CUZD1: variants seen among roughly 807,000 people sequenced by gnomAD.
CUZD1 encodes CUB and zona pellucida like domains 1.
Under a neutral mutation model 53.1 loss-of-function variants are expected in CUZD1, and 42 were observed. That is an observed-to-expected ratio of 0.79 (90% confidence interval 0.62 to 1.02). The LOEUF is 1.02. Among genes scored for constraint, CUZD1 ranks in the 50% least tolerant of loss-of-function variants. CUZD1 has a pLI of 0.00. For missense variants in CUZD1, 670 were observed against 715.7 expected (o/e 0.94, Z 0.73); for synonymous variants, 238 against 257.2 (o/e 0.93, Z 0.71).
chr10:122,841,410 T>A, intron 1 of CUZD1, 82 bp from the exon 2 acceptor site: 4 of 1,357,884 alleles, frequency 2.9e-6, no homozygotes, highest in Non-Finnish European at 4.0e-6. Context: ...ACCTCTCACA[T>A]GTAATATACA....
Position 122,832,420 on chromosome 10 carries a change from G to C in CUZD1, c.1682C>G (p.Thr561Ser). 6.2e-7 allele frequency: 1 copy of C among 1,613,916 alleles called. No homozygotes were observed. Among genetic ancestry groups the C allele is most frequent in the East Asian group, 2.2e-5 (1 of 44,878 alleles). The change falls in exon 9 of 9, where the codon ACT becomes AGT. Residue 561 changes from threonine (T) to serine (S), a missense_variant. By Grantham distance (58) the Thr-to-Ser change is moderately conservative (BLOSUM62 1). Transcript: ENST00000392790. ...CACACTGTTGAAAGGCTGGTTTGGA[G>C]TTTCTTCCGCATGTGTTTCATGCTG... ...GFQHETHAEE[T>S]PNQPFNSVHL...
chr10:122,843,078 G>T (rs991411362), intron 1 of CUZD1, among the ~76,000 whole-genome samples: 1 of 152,172 alleles, frequency 6.6e-6, no homozygotes. Flanking sequence ...TAAACATACA[G>T]TTATCATAAC....
Position 122,845,857 on chromosome 10 carries a change from T to C in CUZD1, c.-14A>G. On this transcript the variant is annotated 5_prime_UTR_variant, in exon 1 of 9. Coordinates refer to ENST00000392790, the MANE Select transcript of CUZD1 (RefSeq NM_022034.6). Reference sequence around the variant, plus strand: ...TACAAGCTCCATTTTGGCAAGGCGCTGGGCAGCCTTAAGGACCGACAGCTT... The same window carrying C: ...TACAAGCTCCATTTTGGCAAGGCGCCGGGCAGCCTTAAGGACCGACAGCTT... 6.2e-7 allele frequency: 1 copy of C among 1,611,202 alleles called. No individual in the cohort carries two copies. The highest frequency in any genetic ancestry group is 1.1e-5 in the South Asian group (1 of 90,480).
Position 122,836,287 on chromosome 10 carries a change from A to T in CUZD1, c.881T>A (p.Phe294Tyr), listed in dbSNP as rs1847248747. The part of the protein sequence containing the change: ...VIISKSYLEA[F>Y]NSNGNNLQLK... ...TTGCAAGTTATTCCCATTAGAGTTA[A>T]AAGCCTCTAGGTAGGATTTGCTTAT... Residue 294 changes from phenylalanine to tyrosine, a missense_variant, in exon 6 of 9, where the codon TTT becomes TAT. Transcript: ENST00000392790. 14 of 1,612,286 alleles carry T rather than the reference A, an allele frequency of 8.7e-6. No individual in the cohort carries two copies. Among genetic ancestry groups the T allele is most frequent in the African/African-American group, 1.3e-5 (1 of 74,872 alleles).
In CUZD1 at chr10:122,833,754, G is replaced by A. The variant is rs1284556680; in HGVS notation, c.1569C>T (p.Asp523=). 1 of 1,613,942 alleles carries A rather than the reference G, an allele frequency of 6.2e-7. No individual in the cohort carries two copies. The highest frequency in any genetic ancestry group is 2.2e-5 in the East Asian group (1 of 44,874). Residue 523 remains aspartate (D), a synonymous_variant, in exon 8 of 9, where the codon GAC becomes GAT. Transcript: ENST00000392790. ...NQGCVSRSKR[D]ISSYKWKTDS... ...CTGTTTTCCATTTATATGAAGAAATGTCTCGTTTGCTTCTGGAGACACAAC... is the reference window on the plus strand; with the variant it reads ...CTGTTTTCCATTTATATGAAGAAATATCTCGTTTGCTTCTGGAGACACAAC...
chr10:122,841,406 C>A, intron 1 of CUZD1, 78 bp from the exon 2 acceptor site: 1 of 1,403,408 alleles, frequency 7.1e-7, no homozygotes, highest in South Asian at 1.5e-5. Context: ...ATCTACCTCT[C>A]ACATGTAATA....
intron 1 of CUZD1, among the ~76,000 whole-genome samples, chr10:122,844,499 G>A (rs900439156): frequency 6.6e-6 from 1 of 152,062 alleles, no homozygotes; most frequent in African/African-American, 2.4e-5. Context: ...TTAAAAAGGA[G>A]AAAGAAGAGA....
chr10:122,841,058 T>G, intron 2 of CUZD1, 120 bp downstream of exon 2: 1 of 902,776 alleles, frequency 1.1e-6, no homozygotes, highest in Admixed American at 2.4e-5. Flanking sequence ...ATCACGATGG[T>G]TGTCAGTGTC....
rs1041135738 is a variant in CUZD1 at position 122,833,538 on chromosome 10, A to G, written c.1651+134T>C. 1.5e-4 allele frequency: 135 copies of G among 896,516 alleles called. No homozygotes were observed. In the South Asian group the frequency reaches 2.1e-3, roughly 14 times the overall value. The allele number at this position is 896,516 out of a possible 1,614,324, so 55.5% of individuals were successfully genotyped here. ...ATGGAAATAAATACTAATCCTATAT[A>G]CTTAAAATTCAACTTATTTGCTAAA... On this transcript the variant is annotated intron_variant, in intron 8 of 8. Coordinates refer to ENST00000392790, the MANE Select transcript of CUZD1 (RefSeq NM_022034.6).
intron 3 of CUZD1, 126 bp downstream of exon 3, chr10:122,838,891 C>A (rs1377639757): frequency 1.0e-5 from 7 of 694,594 alleles, no homozygotes; most frequent in South Asian, 7.3e-5. Flanking sequence ...AGAACTACTG[C>A]TCTCTCAGAT....
At chr10:122,834,526 T>G (rs1020165439) in intron 7 of CUZD1, among the ~76,000 whole-genome samples, 180 bp downstream of exon 7, 2 of 152,194 alleles carry the variant, frequency 1.3e-5, no homozygotes, top group African/African-American at 2.4e-5. Flanking sequence ...AATGTTTAAA[T>G]TTAAATTATT....
At chr10:122,843,610 T>C (rs532086305) in intron 1 of CUZD1, among the ~76,000 whole-genome samples, 2 of 152,172 alleles carry the variant, frequency 1.3e-5, no homozygotes, top group African/African-American at 4.8e-5. Context: ...TGATACATGC[T>C]ACAATACATA....
Position 122,834,985 on chromosome 10 carries a change from C to T in CUZD1, c.1103G>A (p.Gly368Glu). 1 of 1,613,714 alleles carries T rather than the reference C, an allele frequency of 6.2e-7. No individual in the cohort carries two copies. Among genetic ancestry groups the T allele is most frequent in the Non-Finnish European group, 8.5e-7 (1 of 1,179,752 alleles). Reference protein sequence around the residue: ...QLQIIVKCEMGHNSTVEIIYI... With the variant: ...QLQIIVKCEMEHNSTVEIIYI... Reference sequence around the variant, plus strand: ...TATTATCTCCACTGTAGAATTATGTCCCATTTCACACTTCACAATAATCTG... The same window carrying T: ...TATTATCTCCACTGTAGAATTATGTTCCATTTCACACTTCACAATAATCTG... The change falls in exon 7 of 9, where the codon GGA becomes GAA. Residue 368 changes from glycine (G) to glutamate (E), a missense_variant. Physicochemically the swap from Gly to Glu is moderately conservative, Grantham distance 98. Transcript: ENST00000392790.
In CUZD1 at chr10:122,837,460, C is replaced by G. The variant is rs771894046; in HGVS notation, c.543G>C (p.Val181=). The G allele has an allele frequency of 6.2e-7, 1 of 1,614,028 alleles. No individual in the cohort carries two copies. The highest frequency in any genetic ancestry group is 8.5e-7 in the Non-Finnish European group (1 of 1,179,954). The change falls in exon 4 of 9, where the codon GTG becomes GTC. Residue 181 remains valine, a synonymous_variant. Transcript: ENST00000392790. Reference sequence around the variant, plus strand: ...AATCTTTCTCCACTTGTATGTGCCACACACAATAAGCCAGCTCAGGATGCG... The same window carrying G: ...AATCTTTCTCCACTTGTATGTGCCAGACACAATAAGCCAGCTCAGGATGCG... ...PKPHPELAYC[V]WHIQVEKDYK... is the part of the protein sequence containing the mutation.
rs748859413 is a variant in CUZD1 at position 122,835,014 on chromosome 10, T to C, written c.1074A>G (p.Gln358=). ...TTTCACACTTCACAATAATCTGGAG[T>C]TGTTTCTGACGGGTGATCACTTCAG... ...STSEVITRQK[Q]LQIIVKCEMG... Residue 358 remains glutamine, a synonymous_variant, in exon 7 of 9, where the codon CAA becomes CAG. Transcript: ENST00000392790. The C allele has an allele frequency of 3.7e-6, 6 of 1,613,422 alleles. No homozygotes were observed. The East Asian group carries it at 1.3e-4, about 36-fold the overall frequency.
chr10:122,839,580 T>C (rs180758159), intron 2 of CUZD1, among the ~76,000 whole-genome samples: 2 of 152,366 alleles, frequency 1.3e-5, no homozygotes, highest in East Asian at 1.9e-4. Context: ...TTGTTTCCCA[T>C]TGACACTTGA....
At chr10:122,837,376 T>C (rs779271752) in intron 4 of CUZD1, 28 bp downstream of exon 4, 1 of 1,613,198 alleles carries the variant, frequency 6.2e-7, no homozygotes, top group Non-Finnish European at 8.5e-7. Context: ...CTGCATTTGT[T>C]CCAACAGAAT....
At chr10:122,836,138 C>G (rs1265486223) in intron 6 of CUZD1, 40 bp downstream of exon 6, 1 of 1,555,170 alleles carries the variant, frequency 6.4e-7, no homozygotes, top group South Asian at 1.2e-5. Flanking sequence ...AACATGCACT[C>G]AGCATTTGAC....
chr10:122,841,485 T>C (rs1010274434), intron 1 of CUZD1, among the ~76,000 whole-genome samples, 157 bp from the exon 2 acceptor site: 5 of 152,222 alleles, frequency 3.3e-5, no homozygotes, highest in African/African-American at 1.2e-4. Flanking sequence ...AAGCAGTTGA[T>C]TTCTCCGTCT....
Sources: gnomAD v4.1 joint callset for allele counts (sites outside exome capture counted in the v4.1 genomes callset) on GRCh38, gnomAD v4.1.1 for gene constraint, MANE v1.5 for transcripts, NCBI Gene and HGNC (gene_info 2026-07-23, HGNC 2026-07-21) for gene names.